The following CNTN6 variants were observed in gnomAD, a reference collection of about 807,000 sequenced individuals.
CNTN6 encodes the protein contactin 6.
CNTN6 carries 137 observed loss-of-function variants against 122.8 expected under a neutral mutation model. The ratio of observed to expected loss-of-function variants is 1.12; its 90% CI spans 0.97 to 1.29. CNTN6 has a LOEUF of 1.29. CNTN6 is among the 50% of genes most tolerant of loss of function. CNTN6 has a pLI of 0.00. For synonymous variants in CNTN6, 570 were observed against 426.0 expected, an observed-to-expected ratio of 1.34 and a Z score of -4.16; for missense variants, 1,634 against 1,223.4, an observed-to-expected ratio of 1.34 and a Z score of -5.01.
intron 4 of CNTN6, among the ~76,000 whole-genome samples, chr3:1,265,454 G>C (rs1401893029): frequency 1.3e-5 from 2 of 151,998 alleles, no homozygotes; most frequent in Non-Finnish European, 2.9e-5. Context: ...TCTCCATCCT[G>C]GTTCTTACTC....
intron 1 of CNTN6, among the ~76,000 whole-genome samples, chr3:1,102,546 C>T (rs1033440128): frequency 4.6e-5 from 7 of 150,680 alleles, no homozygotes; most frequent in African/African-American, 9.7e-5. Flanking sequence ...CTGGCTAACA[C>T]GGTGAAACCC....
chr3:1,103,777 A>C (rs1574853246), intron 1 of CNTN6, among the ~76,000 whole-genome samples: 1 of 152,300 alleles, frequency 6.6e-6, no homozygotes, highest in Admixed American at 6.5e-5. Context: ...GAAACATGGA[A>C]CAAAAATTCA....
At chr3:1,169,293 A>C (rs2125285772) in intron 2 of CNTN6, among the ~76,000 whole-genome samples, 1 of 152,336 alleles carries the variant, frequency 6.6e-6, no homozygotes. Context: ...AAAGGGAGAC[A>C]GCAAACCAGC....
At chr3:1,225,018 G>C (rs1392433926) in intron 3 of CNTN6, among the ~76,000 whole-genome samples, 1 of 152,082 alleles carries the variant, frequency 6.6e-6, no homozygotes, top group Non-Finnish European at 1.5e-5. Context: ...AAAGTGCTGG[G>C]ATTACAGGCG....
chr3:1,286,812 C>G (rs1279239284), intron 5 of CNTN6, among the ~76,000 whole-genome samples: 2 of 152,062 alleles, frequency 1.3e-5, no homozygotes, highest in African/African-American at 2.4e-5. Flanking sequence ...CATGCAAAGA[C>G]ACATAGGAGA....
chr3:1,379,709 G>GT (rs1272797672), intron 17 of CNTN6, among the ~76,000 whole-genome samples: 1 of 152,076 alleles, frequency 6.6e-6, no homozygotes, highest in Non-Finnish European at 1.5e-5. Context: ...GAGGTGGGGG[G>GT]TGGATATCTG....
At chr3:1,377,175 G>A (rs10510210) in intron 17 of CNTN6, 100 bp downstream of exon 17, 47,763 of 730,326 alleles carry the variant, frequency 0.065, 1,871 homozygotes, top group African/African-American at 0.093. Flanking sequence ...TATTGAGAGC[G>A]TAAAAAAATA....
chr3:1,308,110 A>G (rs906083486), intron 7 of CNTN6, among the ~76,000 whole-genome samples: 17 of 152,158 alleles, frequency 1.1e-4, no homozygotes, highest in Non-Finnish European at 2.4e-4. Context: ...ATTTATTAAT[A>G]TTTAATAATT....
chr3:1,253,666 C>G (rs116224551), intron 4 of CNTN6, among the ~76,000 whole-genome samples: 9 of 152,122 alleles, frequency 5.9e-5, no homozygotes, highest in African/African-American at 2.2e-4. Context: ...GAGTGCACAA[C>G]CTAGATCCCT....
intron 20 of CNTN6, among the ~76,000 whole-genome samples, chr3:1,399,980 C>A (rs1042584098): frequency 6.6e-6 from 1 of 151,974 alleles, no homozygotes; most frequent in Admixed American, 6.6e-5. Flanking sequence ...TAGTGATATC[C>A]CAGTGGAAGT....
At chr3:1,176,591 G>A (rs1037053153) in intron 2 of CNTN6, among the ~76,000 whole-genome samples, 2 of 152,050 alleles carry the variant, frequency 1.3e-5, no homozygotes, top group African/African-American at 4.8e-5. Flanking sequence ...TTCAGGTGAG[G>A]GAAAAATTTA....
rs1382822861 is a variant in CNTN6, at chr3:1,321,790, A to G, written c.902A>G (p.Asn301Ser). ...GGCTTTTATGAGTGCATTGCAAGCA[A>G]CCTTCGAGGAAGAAACCTTGCAAAG... ...DEGFYECIAS[N>S]LRGRNLAKGQ... Residue 301 changes from asparagine (N) to serine (S), a missense_variant, in exon 8 of 23, where the codon AAC becomes AGC. Coordinates refer to ENST00000446702, the MANE Select transcript of CNTN6 (RefSeq NM_001289080.2). 7 of 1,610,278 alleles carry G rather than the reference A, an allele frequency of 4.3e-6. No individual in the cohort carries two copies. Among genetic ancestry groups the G allele is most frequent in the Non-Finnish European group, 5.9e-6 (7 of 1,178,018 alleles).
chr3:1,382,615 A>G (rs1319066671), intron 17 of CNTN6, among the ~76,000 whole-genome samples: 2 of 152,250 alleles, frequency 1.3e-5, no homozygotes, highest in South Asian at 2.1e-4. Context: ...TTAAAAATTC[A>G]TATCAAACCA....
chr3:1,138,703 A>T, intron 1 of CNTN6, among the ~76,000 whole-genome samples: 1 of 152,000 alleles, frequency 6.6e-6, no homozygotes, highest in East Asian at 1.9e-4. Flanking sequence ...CTTTGCACAC[A>T]TTTCTGTTTT....
At chr3:1,394,986 A>C (rs949252060) in intron 20 of CNTN6, among the ~76,000 whole-genome samples, 4 of 152,226 alleles carry the variant, frequency 2.6e-5, no homozygotes, top group African/African-American at 7.2e-5. Flanking sequence ...CGTTCCTTTA[A>C]GTATTCAGCT....
In CNTN6 at chr3:1,157,837, TA is replaced by T. The variant is rs1461105977; in HGVS notation, c.55+9775del. Among the ~76,000 whole-genome samples, 7 of 152,344 alleles carry T rather than the reference TA, an allele frequency of 4.6e-5. No homozygotes were observed. The East Asian group carries it at 1.4e-3, about 29-fold the overall frequency. On this transcript the variant is annotated intron_variant, in intron 2 of 22. Coordinates refer to ENST00000446702, the MANE Select transcript of CNTN6 (RefSeq NM_001289080.2). ...CAAATGGCAGAATCTGGTTCTTTTTTATGACTGAATAGTACTCCATTTTGCA... is the reference window on the plus strand; with the variant it reads ...CAAATGGCAGAATCTGGTTCTTTTTTTGACTGAATAGTACTCCATTTTGCA...
rs543863082 is a variant in CNTN6 at position 1,289,182 on chromosome 3, T to C, written c.455-6419T>C. 6.6e-5 allele frequency among the ~76,000 whole-genome samples: 10 copies of C among 152,066 alleles called. No individual in the cohort carries two copies. The South Asian group carries it at 2.1e-3, about 32-fold the overall frequency. ...TTTAAACTTCCAGTTTGGAAGGTTT[T>C]TTTTTTCTTTCCCCATTGAAAGATA... On this transcript the variant is annotated intron_variant, in intron 5 of 22. Coordinates refer to ENST00000446702, the MANE Select transcript of CNTN6 (RefSeq NM_001289080.2).
chr3:1,400,557 A>C (rs765118863), intron 20 of CNTN6, among the ~76,000 whole-genome samples: 1 of 152,150 alleles, frequency 6.6e-6, no homozygotes, highest in African/African-American at 2.4e-5. Flanking sequence ...ATGATCAATC[A>C]GTTTGTGATG....
Position 1,372,200 on chromosome 3 carries a change from T to C in CNTN6, c.1493-99T>C, listed in dbSNP as rs182943068. 4.7e-4 allele frequency: 429 copies of C among 907,332 alleles called. 3 individuals are homozygous for C. The Middle Eastern group carries it at 8.1e-3, about 17-fold the overall frequency. The allele number at this position is 907,332 out of a possible 1,614,324, so 56.2% of individuals were successfully genotyped here. A position where few individuals can be genotyped will look rare whatever the true frequency, so the allele number is the denominator to read the frequency against. On this transcript the variant is annotated intron_variant, in intron 12 of 22. Transcript: ENST00000446702. Reference sequence around the variant, plus strand: ...ATTGTAGAACTCCAGGTTGCATTTATATAATTTCAAATGAATGATAAAGTA... The same window carrying C: ...ATTGTAGAACTCCAGGTTGCATTTACATAATTTCAAATGAATGATAAAGTA...
Sources: gnomAD v4.1 joint callset for allele counts (sites outside exome capture counted in the v4.1 genomes callset) on GRCh38, gnomAD v4.1.1 for gene constraint, MANE v1.5 for transcripts, NCBI Gene and HGNC (gene_info 2026-07-23, HGNC 2026-07-21) for gene names.